SGMS1: variants seen among roughly 807,000 people sequenced by gnomAD.
The protein encoded by SGMS1 is sphingomyelin synthase 1.
A neutral mutation model predicts 46.2 loss-of-function variants in SGMS1; 13 were observed. The ratio of observed to expected loss-of-function variants is 0.28; its 90% CI spans 0.18 to 0.45. The LOEUF (loss-of-function observed/expected upper bound fraction) is 0.45. Among genes scored for constraint, SGMS1 ranks in the 20% least tolerant of loss-of-function variants. The pLI, the probability that SGMS1 is intolerant of heterozygous loss-of-function variation, is 1.00. For missense variants in SGMS1, 324 were observed against 519.9 expected (o/e 0.62, Z 3.66); for synonymous variants, 203 against 187.8 (o/e 1.08, Z -0.66).
intron 6 of SGMS1, among the ~76,000 whole-genome samples, chr10:50,356,030 C>A (rs529419477): frequency 4.7e-3 from 720 of 152,304 alleles, no homozygotes; most frequent in African/African-American, 0.017. Context: ...AGGAGCCCCT[C>A]CGCCCGGCAG....
chr10:50,480,407 G>A (rs547409035), intron 3 of SGMS1, among the ~76,000 whole-genome samples: 2 of 151,892 alleles, frequency 1.3e-5, no homozygotes, highest in South Asian at 2.1e-4. Context: ...GAATGAAAAC[G>A]GCGAATGAAT....
chr10:50,312,924 G>C (rs1044667463), intron 8 of SGMS1, among the ~76,000 whole-genome samples: 1 of 152,176 alleles, frequency 6.6e-6, no homozygotes, highest in African/African-American at 2.4e-5. Flanking sequence ...TGTCATCATG[G>C]AGATGAGCCC....
chr10:50,334,927 A>ATGGG (rs1319799740), intron 7 of SGMS1: 1 of 152,256 alleles, frequency 6.6e-6, no homozygotes, highest in Non-Finnish European at 1.5e-5. Context: ...CCTCTGTATG[A>ATGGG]TGGGTCAACA....
chr10:50,431,029 A>G (rs1376869159), intron 6 of SGMS1, among the ~76,000 whole-genome samples: 2 of 152,184 alleles, frequency 1.3e-5, no homozygotes, highest in Non-Finnish European at 2.9e-5. Flanking sequence ...TGGAAACCAC[A>G]TAAGGCCCAT....
rs923877218 is a variant in SGMS1 at position 50,542,510 on chromosome 10, TA to T, written c.-588-22590del. On this transcript the variant is annotated intron_variant, in intron 2 of 10. Transcript: ENST00000361781. ...AGCAGAAAATATGTATATTTGCTCT[TA>T]AAAAAAAGTGGTTAAGAGAGAATTT... Among the ~76,000 whole-genome samples, 168 of 151,232 alleles carry T rather than the reference TA, an allele frequency of 1.1e-3. 1 individual carries two copies. Among genetic ancestry groups the T allele is most frequent in the African/African-American group, 3.9e-3 (162 of 41,316 alleles).
intron 5 of SGMS1, among the ~76,000 whole-genome samples, chr10:50,441,009 G>A (rs1849540052): frequency 5.9e-5 from 9 of 152,166 alleles, no homozygotes; most frequent in Admixed American, 5.9e-4. Flanking sequence ...TAGAGAGGAG[G>A]GAGCTAGAAT....
intron 8 of SGMS1, among the ~76,000 whole-genome samples, chr10:50,315,127 GT>G (rs1384529778): frequency 6.6e-6 from 1 of 152,140 alleles, no homozygotes; most frequent in African/African-American, 2.4e-5. Flanking sequence ...GCCTACAGCT[GT>G]TTACCAAATT....
intron 1 of SGMS1, among the ~76,000 whole-genome samples, chr10:50,618,314 T>C (rs930034708): frequency 6.6e-6 from 1 of 152,204 alleles, no homozygotes; most frequent in African/African-American, 2.4e-5. Context: ...AAATATCTTA[T>C]ACTCTTAAAG....
At chr10:50,503,930 G>C (rs528820741) in intron 3 of SGMS1, among the ~76,000 whole-genome samples, 1 of 152,328 alleles carries the variant, frequency 6.6e-6, no homozygotes, top group East Asian at 1.9e-4. Context: ...TAGAAGTTTT[G>C]TACAGAGAAA....
chr10:50,587,326 C>T (rs1164670053), intron 2 of SGMS1, among the ~76,000 whole-genome samples: 1 of 152,140 alleles, frequency 6.6e-6, no homozygotes, highest in Non-Finnish European at 1.5e-5. Context: ...ATGAGGTATG[C>T]TGTGAATGCA....
intron 5 of SGMS1, among the ~76,000 whole-genome samples, chr10:50,459,001 T>C (rs1837231241): frequency 6.6e-6 from 1 of 152,222 alleles, no homozygotes; most frequent in Admixed American, 6.5e-5. Context: ...ATAGATGTTC[T>C]ATATTTTAAA....
chr10:50,459,189 A>C (rs1837233972), intron 5 of SGMS1, among the ~76,000 whole-genome samples: 2 of 152,226 alleles, frequency 1.3e-5, no homozygotes, highest in African/African-American at 4.8e-5. Context: ...GAATCAGTGA[A>C]GACATCAGAG....
chr10:50,359,066 G>C lies in SGMS1; in HGVS notation c.-231-14721C>G, dbSNP rs147221794. Among the ~76,000 whole-genome samples the C allele has an allele frequency of 3.3e-3, 510 of 152,288 alleles. 4 individuals carry two copies. The highest frequency in any genetic ancestry group is 5.8e-3 in the South Asian group (28 of 4,826). The stretch of plus-strand genomic sequence containing the variant: ...CTCAGAATTCCACAGTCCAACTCTG[G>C]TTAGCAAATAAAATCATCCCCTATG... On this transcript the variant is annotated intron_variant, in intron 6 of 10. Coordinates refer to ENST00000361781, the MANE Select transcript of SGMS1 (RefSeq NM_147156.4).
At chr10:50,507,518 A>G (rs1037358929) in intron 3 of SGMS1, among the ~76,000 whole-genome samples, 4 of 152,314 alleles carry the variant, frequency 2.6e-5, no homozygotes, top group African/African-American at 9.6e-5. Flanking sequence ...AATTTTGCAC[A>G]CATGATCACA....
chr10:50,447,060 T>C (rs543795421), intron 5 of SGMS1, among the ~76,000 whole-genome samples: 17 of 152,324 alleles, frequency 1.1e-4, no homozygotes, highest in African/African-American at 3.8e-4. Flanking sequence ...CCTATCTAAA[T>C]AGTCTTTGAA....
In SGMS1 at chr10:50,491,200, A is replaced by G. The variant is rs1018812888; in HGVS notation, c.-497-24268T>C. ...ATCTTTACAAAAAGGAAATTTAAAA[A>G]GAATACAGCTGGGCATGGCAGTACG... On this transcript the variant is annotated intron_variant, in intron 3 of 10. Coordinates refer to ENST00000361781, the MANE Select transcript of SGMS1 (RefSeq NM_147156.4). 3.3e-5 allele frequency among the ~76,000 whole-genome samples: 5 copies of G among 152,074 alleles called. No homozygotes were observed. The East Asian group carries it at 9.6e-4, about 29-fold the overall frequency.
At chr10:50,532,503 A>C (rs1383161235) in intron 2 of SGMS1, among the ~76,000 whole-genome samples, 1 of 152,190 alleles carries the variant, frequency 6.6e-6, no homozygotes, top group East Asian at 1.9e-4. Context: ...TTTTGTCATC[A>C]GAAATATGCC....
chr10:50,463,876 G>A (rs1158529770), intron 4 of SGMS1, among the ~76,000 whole-genome samples: 1 of 152,136 alleles, frequency 6.6e-6, no homozygotes, highest in Non-Finnish European at 1.5e-5. Flanking sequence ...ACTGCAACAT[G>A]GATGAACCCT....
At chr10:50,563,022 T>C (rs2131843132) in intron 2 of SGMS1, among the ~76,000 whole-genome samples, 1 of 152,322 alleles carries the variant, frequency 6.6e-6, no homozygotes, top group East Asian at 1.9e-4. Context: ...ACCTCTGCAT[T>C]AAAGTTCCCG....
Sources: allele counts gnomAD v4.1 joint callset (sites outside exome capture counted in the v4.1 genomes callset), GRCh38; gene constraint gnomAD v4.1.1; transcripts MANE v1.5; gene names NCBI Gene and HGNC (gene_info 2026-07-23, HGNC 2026-07-21).